PAFAH2: variants seen among roughly 807,000 people sequenced by gnomAD.
The protein encoded by PAFAH2 is platelet activating factor acetylhydrolase 2.
In PAFAH2, 42 loss-of-function variants were observed where a neutral mutation model predicts 49.0. The ratio of observed to expected loss-of-function variants is 0.86; its 90% CI spans 0.67 to 1.11. PAFAH2 has a LOEUF of 1.11. Ranked by LOEUF, PAFAH2 falls within the 50% of genes least tolerant of loss-of-function variation. PAFAH2 has a pLI of 0.00. For missense variants in PAFAH2, 503 were observed against 501.8 expected, an observed-to-expected ratio of 1.00 and a Z score of -0.02; for synonymous variants, 184 against 181.3, an observed-to-expected ratio of 1.01 and a Z score of -0.12.
chr1:25,962,124 G>A (rs1189897139), intron 10 of PAFAH2, 41 bp from the exon 11 acceptor site: 1 of 1,532,230 alleles, frequency 6.5e-7, no homozygotes, highest in East Asian at 2.3e-5. Flanking sequence ...AAATCATTGT[G>A]AGGTTTGGTC....
At chr1:25,976,074 C>T (rs2049583774) in intron 8 of PAFAH2, among the ~76,000 whole-genome samples, 1 of 152,160 alleles carries the variant, frequency 6.6e-6, no homozygotes, top group Non-Finnish European at 1.5e-5. Context: ...TCCTCTAGAT[C>T]TTCACACGAC....
Position 25,961,685 on chromosome 1 carries a change from C to T in PAFAH2, c.*304G>A. 1 of 250,090 alleles carries T rather than the reference C, an allele frequency of 4.0e-6. No homozygotes were observed. The highest frequency in any genetic ancestry group is 8.4e-5 in the East Asian group (1 of 11,892). The allele number at this position is 250,090 out of a possible 1,614,324, so 15.5% of individuals were successfully genotyped here. ...CTTCGCTGGGCTGAGTCTTCACATC[C>T]AGGCCTCACAGTGCTCAGCCCGGGG... On this transcript the variant is annotated 3_prime_UTR_variant, in exon 11 of 11. Coordinates refer to ENST00000374282, the MANE Select transcript of PAFAH2 (RefSeq NM_000437.4).
chr1:25,962,614 G>C (rs953079419), intron 10 of PAFAH2, among the ~76,000 whole-genome samples: 7 of 152,020 alleles, frequency 4.6e-5, no homozygotes, highest in African/African-American at 1.7e-4. Context: ...CTTGAGGCTA[G>C]GAGTTCCTAG....
intron 5 of PAFAH2, 39 bp from the exon 6 acceptor site, chr1:25,984,126 T>C (rs749618017): frequency 3.1e-6 from 5 of 1,611,260 alleles, no homozygotes; most frequent in Non-Finnish European, 8.5e-7. Flanking sequence ...CCAGAAAACA[T>C]TCTTGAGTTT....
At chr1:25,978,051 C>T (rs191636472) in intron 7 of PAFAH2, among the ~76,000 whole-genome samples, 15 of 152,294 alleles carry the variant, frequency 9.8e-5, no homozygotes, top group Admixed American at 8.5e-4. Context: ...TGCTAAGGGG[C>T]TCTGGAGGCC....
rs79635997 is a variant in PAFAH2, at chr1:25,970,927, G to A, written c.1084+1631C>T. Among the ~76,000 whole-genome samples, 7 of 152,146 alleles carry A rather than the reference G, an allele frequency of 4.6e-5. No homozygotes were observed. The East Asian group carries it at 5.8e-4, about 13-fold the overall frequency. On this transcript the variant is annotated intron_variant, in intron 10 of 10. Coordinates refer to ENST00000374282, the MANE Select transcript of PAFAH2 (RefSeq NM_000437.4). ...TTTAGAAGGGGCACCAAAAAACAGC[G>A]ACTCCAAAGGAAGGGGATAACAAAT... is the stretch of plus-strand genomic sequence containing the variant.
intron 3 of PAFAH2, 48 bp downstream of exon 3, chr1:25,989,400 C>T (rs1013319831): frequency 6.6e-7 from 1 of 1,504,804 alleles, no homozygotes; most frequent in Admixed American, 2.1e-5. Context: ...CTCCCAGGAA[C>T]ATAACCAAGC....
intron 6 of PAFAH2, 97 bp from the exon 7 acceptor site, chr1:25,982,574 T>C: frequency 1.1e-6 from 1 of 933,188 alleles, no homozygotes; most frequent in African/African-American, 1.6e-5. Flanking sequence ...GCACAGATAG[T>C]CTACCCACCC....
chr1:25,977,480 C>T (rs1381667405), intron 7 of PAFAH2, among the ~76,000 whole-genome samples: 1 of 151,206 alleles, frequency 6.6e-6, no homozygotes, highest in African/African-American at 2.4e-5. Context: ...ACAGCAAAAC[C>T]TTCTCTTTAC....
intron 5 of PAFAH2, 25 bp downstream of exon 5, chr1:25,984,435 C>G (rs535675597): frequency 1.3e-6 from 2 of 1,592,862 alleles, no homozygotes; most frequent in African/African-American, 2.7e-5. Context: ...TGCAGGCACC[C>G]AATCCATGGC....
intron 2 of PAFAH2, among the ~76,000 whole-genome samples, chr1:25,989,949 C>G (rs1039207903): frequency 2.0e-5 from 3 of 152,128 alleles, no homozygotes; most frequent in African/African-American, 7.2e-5. Flanking sequence ...AGTTCTCGTG[C>G]TGAACAGGGT....
In PAFAH2 at chr1:25,976,309, GT is replaced by G. The variant is rs552797216; in HGVS notation, c.758+372del. Among the ~76,000 whole-genome samples, 452 of 151,896 alleles carry G rather than the reference GT, an allele frequency of 3.0e-3. 4 individuals are homozygous for G. The highest frequency in any genetic ancestry group is 0.01 in the African/African-American group (423 of 41,432). On this transcript the variant is annotated intron_variant, in intron 8 of 10. Transcript: ENST00000374282. ...ATGCACTATCACACTTGGCTGTTTT[GT>G]TTTTTTCAATTTTTTGTAGAGATGG...
chr1:25,983,997 A>G lies in PAFAH2; in HGVS notation c.501T>C (p.Pro167=). 1 of 1,614,152 alleles carries G rather than the reference A, an allele frequency of 6.2e-7. No homozygotes were observed. The highest frequency in any genetic ancestry group is 8.5e-7 in the Non-Finnish European group (1 of 1,179,982). ...TNESLQEEWI[P]FRRVEEGEKE... ...TCTCCCCTTCCTCAACTCGACGGAAAGGGATCCATTCCTCCTGCAGCGATT... is the reference window on the plus strand; with the variant it reads ...TCTCCCCTTCCTCAACTCGACGGAAGGGGATCCATTCCTCCTGCAGCGATT... The change falls in exon 6 of 11, where the codon CCT becomes CCC. Residue 167 remains proline, a synonymous_variant. Transcript: ENST00000374282.
intron 10 of PAFAH2, among the ~76,000 whole-genome samples, chr1:25,970,204 C>A (rs1175091228): frequency 6.6e-6 from 1 of 152,156 alleles, no homozygotes; most frequent in Non-Finnish European, 1.5e-5. Context: ...CGATGGCTCA[C>A]ACCTGTAATC....
chr1:25,962,822 A>G (rs78397813), intron 10 of PAFAH2, among the ~76,000 whole-genome samples: 4 of 137,742 alleles, frequency 2.9e-5, no homozygotes, highest in Admixed American at 7.2e-5. Context: ...CATGTCTCAG[A>G]AAAAAAAAAA....
At position 25,991,039 on chromosome 1, in the gene PAFAH2, T is replaced by A. The variant is rs2049865340; in HGVS notation, c.-47-176A>T. 8.1e-6 allele frequency: 4 copies of A among 495,208 alleles called. No homozygotes were observed. In the South Asian group the frequency reaches 1.0e-4, roughly 13 times the overall value. 30.7% of individuals were successfully genotyped at this position (495,208 alleles called of 1,614,324 possible). A position where few individuals can be genotyped will look rare whatever the true frequency, so the allele number is the denominator to read the frequency against. On this transcript the variant is annotated intron_variant, in intron 1 of 10. Coordinates refer to ENST00000374282, the MANE Select transcript of PAFAH2 (RefSeq NM_000437.4). ...ACATTGCCTTTGCCAAGGTTGGGGG[T>A]TGTTTTTTATTTTGCTAGGGTGAGG... is the stretch of plus-strand genomic sequence containing the variant.
rs1367286455 is a variant in PAFAH2 at position 25,963,382 on chromosome 1, A to G, written c.1085-1299T>C. On this transcript the variant is annotated intron_variant, in intron 10 of 10. Transcript: ENST00000374282. ...GTGGCAGAGACAAACAATAAACATA[A>G]TAACTATATAGGATGTGAAAAGGGG... Among the ~76,000 whole-genome samples, 3 of 152,216 alleles carry G rather than the reference A, an allele frequency of 2.0e-5. No individual in the cohort carries two copies. The East Asian group carries it at 5.8e-4, about 29-fold the overall frequency.
At chr1:25,991,490 G>A (rs994753687) in intron 1 of PAFAH2, among the ~76,000 whole-genome samples, 6 of 150,840 alleles carry the variant, frequency 4.0e-5, no homozygotes, top group African/African-American at 1.5e-4. Flanking sequence ...CGCCATGTTG[G>A]CCAGGATGGT....
chr1:25,979,494 G>T (rs1175848473), intron 7 of PAFAH2, among the ~76,000 whole-genome samples: 1 of 151,820 alleles, frequency 6.6e-6, no homozygotes, highest in African/African-American at 2.4e-5. Context: ...GCTAAATTTT[G>T]TATTTTTTTT....
Sources: gnomAD v4.1 joint callset for allele counts (sites outside exome capture counted in the v4.1 genomes callset) on GRCh38, gnomAD v4.1.1 for gene constraint, MANE v1.5 for transcripts, NCBI Gene and HGNC (gene_info 2026-07-23, HGNC 2026-07-21) for gene names.